The following PCDHGA12 variants were observed in gnomAD, a reference collection of about 807,000 sequenced individuals.
PCDHGA12 encodes protocadherin gamma-A12.
Under a neutral mutation model 61.1 loss-of-function variants are expected in PCDHGA12, and 43 were observed. That is an observed-to-expected ratio of 0.70 (90% confidence interval 0.55 to 0.91). The LOEUF is 0.91. Ranked by LOEUF, PCDHGA12 falls within the 40% of genes least tolerant of loss-of-function variation. PCDHGA12 has a pLI of 0.00. For missense variants in PCDHGA12, 1,236 were observed against 1,227.7 expected, an observed-to-expected ratio of 1.01 and a Z score of -0.10; for synonymous variants, 520 against 542.9, an observed-to-expected ratio of 0.96 and a Z score of 0.59.
chr5:141,436,600 G>C (rs1054182433), intron 1 of PCDHGA12, among the ~76,000 whole-genome samples: 2 of 152,154 alleles, frequency 1.3e-5, no homozygotes, highest in African/African-American at 2.4e-5. Context: ...CGTGGTGATG[G>C]CTAGGGCTAA....
Position 141,490,667 on chromosome 5 carries a change from T to C in PCDHGA12, c.2425-4140T>C, listed in dbSNP as rs906656199. The stretch of plus-strand genomic sequence containing the variant: ...CCTCCGGGCTCCCTTCTTTGCACTG[T>C]GGCTGCCTCAGATCCAGACACTGGG... On this transcript the variant is annotated intron_variant, in intron 1 of 3. Transcript: ENST00000252085. This position sits in a 1 kb window ranked among gnomAD's most constrained non-coding sequence, Gnocchi z 5.4. The C allele has an allele frequency of 6.8e-6, 11 of 1,614,206 alleles. 1 individual carries two copies. The highest frequency in any genetic ancestry group is 4.5e-5 in the East Asian group (2 of 44,876).
chr5:141,454,567 C>G (rs572130062), intron 1 of PCDHGA12, among the ~76,000 whole-genome samples: 1 of 150,856 alleles, frequency 6.6e-6, no homozygotes, highest in Non-Finnish European at 1.5e-5. Flanking sequence ...CCACCACGCC[C>G]GGCTAATTTT....
chr5:141,478,164 C>A (rs202185809), intron 1 of PCDHGA12: 2 of 1,614,010 alleles, frequency 1.2e-6, no homozygotes, highest in African/African-American at 1.3e-5. Context: ...GGCTCTGCCC[C>A]CCGGGAGCAG....
Position 141,476,447 on chromosome 5 carries a change from G to A in PCDHGA12, c.2425-18360G>A. 2 of 1,614,130 alleles carry A rather than the reference G, an allele frequency of 1.2e-6. No homozygotes were observed. The highest frequency in any genetic ancestry group is 1.7e-6 in the Non-Finnish European group (2 of 1,180,026). On this transcript the variant is annotated intron_variant, in intron 1 of 3. Transcript: ENST00000252085. This position sits in a 1 kb window ranked among gnomAD's most constrained non-coding sequence, Gnocchi z 7.6. ...CTCTTGCACTGTAACTCTGGAGTTGGTAGTGGAGAACCCGCTGGAGCTGTT... is the reference window on the plus strand; with the variant it reads ...CTCTTGCACTGTAACTCTGGAGTTGATAGTGGAGAACCCGCTGGAGCTGTT...
Position 141,490,972 on chromosome 5 carries a change from C to G in PCDHGA12, c.2425-3835C>G. 6.2e-7 allele frequency: 1 copy of G among 1,613,912 alleles called. No homozygotes were observed. Among genetic ancestry groups the G allele is most frequent in the Non-Finnish European group, 8.5e-7 (1 of 1,179,922 alleles). Reference sequence around the variant, plus strand: ...AGACTGGGAACACTCAGCCCCCCAGCGTCTCCCTCGCTCTGCTCCTCCTGG... The same window carrying G: ...AGACTGGGAACACTCAGCCCCCCAGGGTCTCCCTCGCTCTGCTCCTCCTGG... On this transcript the variant is annotated intron_variant, in intron 1 of 3. Coordinates refer to ENST00000252085, the MANE Select transcript of PCDHGA12 (RefSeq NM_003735.3). The surrounding 1 kb of genome is among the most constrained non-coding windows in gnomAD (Gnocchi z 5.4).
At chr5:141,478,127 C>A (rs1323163663) in intron 1 of PCDHGA12, 1 of 1,614,106 alleles carries the variant, frequency 6.2e-7, no homozygotes, top group South Asian at 1.1e-5. Flanking sequence ...CGAGGACTCT[C>A]CTGAAGCCCG....
At chr5:141,481,913 C>CAAAAAA (rs34114744) in intron 1 of PCDHGA12, among the ~76,000 whole-genome samples, 2 of 90,846 alleles carry the variant, frequency 2.2e-5, no homozygotes, top group Non-Finnish European at 4.4e-5. Flanking sequence ...AACTCCATCT[C>CAAAAAA]AAAAAAAAAA....
chr5:141,495,465 G>A (rs563411010), intron 2 of PCDHGA12, among the ~76,000 whole-genome samples: 3 of 152,182 alleles, frequency 2.0e-5, no homozygotes, highest in Non-Finnish European at 2.9e-5. Context: ...TGTCTGTGGG[G>A]TCTCCGTGTC....
In PCDHGA12 at chr5:141,462,417, A is replaced by G. The variant is rs184240612; in HGVS notation, c.2424+29234A>G. 4.0e-4 allele frequency among the ~76,000 whole-genome samples: 61 copies of G among 152,300 alleles called. 1 individual carries two copies. The highest frequency in any genetic ancestry group is 3.2e-3 in the Admixed American group (49 of 15,300). ...TCTTTTATGGCACAGAATATGGTCT[A>G]TCTTGGTGAGTGTTGCTTACACACA... On this transcript the variant is annotated intron_variant, in intron 1 of 3. Transcript: ENST00000252085.
intron 1 of PCDHGA12, chr5:141,478,131 A>G (rs747801474): frequency 6.2e-7 from 1 of 1,614,064 alleles, no homozygotes; most frequent in Non-Finnish European, 8.5e-7. Flanking sequence ...GACTCTCCTG[A>G]AGCCCGAGCC....
Position 141,431,464 on chromosome 5 carries a change from G to GA in PCDHGA12, c.707dup (p.Asn236LysfsTer35), listed in dbSNP as rs1561852795. 1 of 1,613,782 alleles carries GA rather than the reference G, an allele frequency of 6.2e-7. No homozygotes were observed. Among genetic ancestry groups the GA allele is most frequent in the Non-Finnish European group, 8.5e-7 (1 of 1,179,972 alleles). ...GCATCCGCGTGATGGTTCTGGATGC[G>GA]AACGACAACGCACCAGCGTTTGCTC... On this transcript the variant is annotated frameshift_variant, in exon 1 of 4. Coordinates refer to ENST00000252085, the MANE Select transcript of PCDHGA12 (RefSeq NM_003735.3). LOFTEE classifies it high-confidence loss of function. This position sits in a 1 kb window ranked among gnomAD's most constrained non-coding sequence, Gnocchi z 4.8.
At chr5:141,442,837 A>G (rs2098346617) in intron 1 of PCDHGA12, among the ~76,000 whole-genome samples, 1 of 152,202 alleles carries the variant, frequency 6.6e-6, no homozygotes, top group Admixed American at 6.5e-5. Flanking sequence ...GGGAGGGACA[A>G]ATCTTGGCCA....
chr5:141,450,555 C>T (rs958577638), intron 1 of PCDHGA12, among the ~76,000 whole-genome samples: 4 of 151,710 alleles, frequency 2.6e-5, no homozygotes, highest in East Asian at 1.9e-4. Flanking sequence ...GGCGCAGTCT[C>T]GGCTCACTGC....
chr5:141,431,698 ATT>A lies in PCDHGA12; in HGVS notation c.940_941del (p.Phe314LeufsTer10). The A allele has an allele frequency of 6.2e-7, 1 of 1,614,222 alleles. No homozygotes were observed. Among genetic ancestry groups the A allele is most frequent in the South Asian group, 1.1e-5 (1 of 91,090 alleles). ...IGELDHEESGFYQMEVQAMDN... is the reference protein window; with the variant it reads ...IGELDHEESGXYQMEVQAMDN... ...GGGAGTTGGACCACGAGGAGTCAGG[ATT>A]CTACCAGATGGAAGTGCAAGCAATG... On this transcript the variant is annotated frameshift_variant, in exon 1 of 4. Transcript: ENST00000252085. LOFTEE classifies it high-confidence loss of function. The surrounding 1 kb of genome is among the most constrained non-coding windows in gnomAD (Gnocchi z 4.8).
At chr5:141,472,113 A>C (rs1296591849) in intron 1 of PCDHGA12, among the ~76,000 whole-genome samples, 1 of 152,260 alleles carries the variant, frequency 6.6e-6, no homozygotes, top group Non-Finnish European at 1.5e-5. Context: ...ATACATAAAG[A>C]AAATAAAAGA....
In PCDHGA12 at chr5:141,477,147, A is replaced by G. The variant is rs1195888163; in HGVS notation, c.2425-17660A>G. On this transcript the variant is annotated intron_variant, in intron 1 of 3. Coordinates refer to ENST00000252085, the MANE Select transcript of PCDHGA12 (RefSeq NM_003735.3). The surrounding 1 kb of genome is among the most constrained non-coding windows in gnomAD (Gnocchi z 4.9). The stretch of plus-strand genomic sequence containing the variant: ...TGCAAAGTGTTGGTGGAGGTTGTGG[A>G]TGTGAATGACAACGCCCCGGAGATC... 2 of 1,614,168 alleles carry G rather than the reference A, an allele frequency of 1.2e-6. No individual in the cohort carries two copies. The highest frequency in any genetic ancestry group is 1.1e-5 in the South Asian group (1 of 91,080).
chr5:141,450,916 C>T (rs1168320527), intron 1 of PCDHGA12, among the ~76,000 whole-genome samples: 1 of 151,580 alleles, frequency 6.6e-6, no homozygotes, highest in Admixed American at 6.6e-5. Flanking sequence ...CCGCTGCCTC[C>T]CAGATTCAAG....
Position 141,491,077 on chromosome 5 carries a change from T to TAGGA in PCDHGA12, c.2425-3730_2425-3729insAGGA, listed in dbSNP as rs752090443. 1.2e-6 allele frequency: 2 copies of TAGGA among 1,614,166 alleles called. No homozygotes were observed. Among genetic ancestry groups the TAGGA allele is most frequent in the Admixed American group, 3.3e-5 (2 of 60,014 alleles). On this transcript the variant is annotated intron_variant, in intron 1 of 3. Transcript: ENST00000252085. This position sits in a 1 kb window ranked among gnomAD's most constrained non-coding sequence, Gnocchi z 6.9. The stretch of plus-strand genomic sequence containing the variant: ...GCTCTCCTACTCACTGTTGCCACAG[T>TAGGA]CCACAGCCCCAGGACTGTTCCTCGT...
In PCDHGA12 at chr5:141,511,555, C is replaced by T; in HGVS notation, c.*382C>T. 1 of 305,302 alleles carries T rather than the reference C, an allele frequency of 3.3e-6. No individual in the cohort carries two copies. Among genetic ancestry groups the T allele is most frequent in the South Asian group, 3.6e-5 (1 of 28,078 alleles). 18.9% of individuals were successfully genotyped at this position (305,302 alleles called of 1,614,324 possible). ...CCTCCCCACCCCACTCCAACAGTTC[C>T]TCTTTCCCGAGTAAGGTGGTTGGGG... On this transcript the variant is annotated 3_prime_UTR_variant, in exon 4 of 4. Coordinates refer to ENST00000252085, the MANE Select transcript of PCDHGA12 (RefSeq NM_003735.3).
Sources: allele counts gnomAD v4.1 joint callset (sites outside exome capture counted in the v4.1 genomes callset), GRCh38; gene constraint gnomAD v4.1.1; non-coding constraint Gnocchi (gnomAD v3.1); transcripts MANE v1.5; gene names NCBI Gene and HGNC (gene_info 2026-07-23, HGNC 2026-07-21).